Variants in OXR1 observed in about 807,000 individuals in gnomAD.
OXR1 encodes the protein oxidation resistance 1.
A neutral mutation model predicts 104.6 loss-of-function variants in OXR1; 41 were observed. The ratio of observed to expected loss-of-function variants is 0.39; its 90% confidence interval spans 0.31 to 0.51. The LOEUF is 0.51. Among genes scored for constraint, OXR1 ranks in the 20% least tolerant of loss-of-function variants. The pLI is 0.77. For synonymous variants in OXR1, 348 were observed against 348.4 expected, an observed-to-expected ratio of 1.00 and a Z score of 0.01; for missense variants, 955 against 1,031.9, an observed-to-expected ratio of 0.93 and a Z score of 1.02.
chr8:106,524,297 A>T (rs1813488417), intron 3 of OXR1, among the ~76,000 whole-genome samples: 1 of 152,220 alleles, frequency 6.6e-6, no homozygotes, highest in African/African-American at 2.4e-5. Context: ...ATTGTAAATT[A>T]AGCATGGAGG....
chr8:106,353,925 C>T (rs992823975), intron 1 of OXR1, among the ~76,000 whole-genome samples: 2 of 152,154 alleles, frequency 1.3e-5, no homozygotes, highest in African/African-American at 2.4e-5. Context: ...TAGTAACCAC[C>T]ATTCTACTTT....
chr8:106,460,434 A>G (rs894597434), intron 2 of OXR1, among the ~76,000 whole-genome samples: 2 of 152,156 alleles, frequency 1.3e-5, no homozygotes, highest in Admixed American at 6.5e-5. Flanking sequence ...TTCTAATGAG[A>G]CACAAAGACC....
At chr8:106,339,898 TA>T (rs1305237361) in intron 1 of OXR1, among the ~76,000 whole-genome samples, 2 of 152,228 alleles carry the variant, frequency 1.3e-5, no homozygotes, top group Non-Finnish European at 2.9e-5. Context: ...GAACAAAGTT[TA>T]AAATGTAGTA....
At chr8:106,439,283 C>G (rs1011534230) in intron 2 of OXR1, among the ~76,000 whole-genome samples, 6 of 151,994 alleles carry the variant, frequency 3.9e-5, no homozygotes, top group African/African-American at 1.4e-4. Context: ...AGAGCTTTCT[C>G]GCTACCATGT....
chr8:106,654,047 C>T (rs1178484859), intron 3 of OXR1, among the ~76,000 whole-genome samples: 2 of 152,022 alleles, frequency 1.3e-5, no homozygotes, highest in African/African-American at 4.8e-5. Context: ...AAGCACAAAA[C>T]ATTGCTGAAA....
intron 1 of OXR1, among the ~76,000 whole-genome samples, chr8:106,336,612 G>T (rs2130247655): frequency 6.6e-6 from 1 of 152,302 alleles, no homozygotes; most frequent in South Asian, 2.1e-4. Context: ...CTAACATCAG[G>T]TGGAGTGTCT....
At chr8:106,405,183 TA>T (rs1818179913) in intron 2 of OXR1, among the ~76,000 whole-genome samples, 1 of 13,604 alleles carries the variant, frequency 7.4e-5, no homozygotes. Context: ...TATATATATA[TA>T]TATATATATA....
chr8:106,512,457 C>CT (rs1222356768), intron 2 of OXR1, among the ~76,000 whole-genome samples: 10 of 120,642 alleles, frequency 8.3e-5, no homozygotes, highest in East Asian at 2.1e-4. Context: ...AGAAGAAGAT[C>CT]TGTTTTTTTT....
intron 3 of OXR1, among the ~76,000 whole-genome samples, chr8:106,675,152 G>A (rs935585934): frequency 6.6e-6 from 1 of 152,102 alleles, no homozygotes; most frequent in Non-Finnish European, 1.5e-5. Context: ...TAATAACATG[G>A]TCCCAATGTA....
chr8:106,437,879 A>G (rs1819641641), intron 2 of OXR1, among the ~76,000 whole-genome samples: 1 of 152,164 alleles, frequency 6.6e-6, no homozygotes, highest in African/African-American at 2.4e-5. Context: ...ATTTGTTGTC[A>G]TCCCCTAAAA....
chr8:106,291,630 T>A (rs1430095591), intron 1 of OXR1, among the ~76,000 whole-genome samples: 4 of 152,198 alleles, frequency 2.6e-5, no homozygotes, highest in Non-Finnish European at 5.9e-5. Flanking sequence ...ATTTCATTAG[T>A]TTCAAATTGC....
At chr8:106,587,951 A>C (rs996318053) in intron 3 of OXR1, among the ~76,000 whole-genome samples, 1 of 148,824 alleles carries the variant, frequency 6.7e-6, no homozygotes, top group African/African-American at 2.5e-5. Context: ...TCTAAATATA[A>C]ACAATTTTTT....
chr8:106,551,595 TC>T (rs969810051), intron 3 of OXR1, among the ~76,000 whole-genome samples: 30 of 151,864 alleles, frequency 2.0e-4, no homozygotes, highest in African/African-American at 7.0e-4. Flanking sequence ...GAGAGGGACT[TC>T]CTGGGGATGT....
intron 2 of OXR1, among the ~76,000 whole-genome samples, chr8:106,458,535 C>T (rs1441052505): frequency 6.6e-6 from 1 of 152,090 alleles, no homozygotes; most frequent in Non-Finnish European, 1.5e-5. Flanking sequence ...CTGCAGAGAG[C>T]CCCCATTAAA....
chr8:106,389,426 A>G (rs1430950334), intron 2 of OXR1, among the ~76,000 whole-genome samples: 1 of 152,242 alleles, frequency 6.6e-6, no homozygotes, highest in Non-Finnish European at 1.5e-5. Flanking sequence ...TAAGTTATTA[A>G]TTAATAAACA....
intron 3 of OXR1, among the ~76,000 whole-genome samples, chr8:106,596,217 G>A (rs1199240696): frequency 2.6e-5 from 4 of 152,056 alleles, no homozygotes; most frequent in African/African-American, 9.7e-5. Flanking sequence ...AGGCCAAGGT[G>A]GGCAGATCAC....
chr8:106,634,674 G>A (rs1305339110), intron 3 of OXR1, among the ~76,000 whole-genome samples: 2 of 152,030 alleles, frequency 1.3e-5, no homozygotes, highest in Non-Finnish European at 2.9e-5. Context: ...TCCCAAAAAA[G>A]ATGAGCTTGA....
chr8:106,714,449 C>T (rs997444954), intron 11 of OXR1, among the ~76,000 whole-genome samples: 1 of 152,004 alleles, frequency 6.6e-6, no homozygotes, highest in African/African-American at 2.4e-5. Flanking sequence ...TTCTATGTTT[C>T]AGACCTAAGC....
intron 3 of OXR1, among the ~76,000 whole-genome samples, chr8:106,572,227 A>G (rs1379110540): frequency 6.6e-6 from 1 of 152,210 alleles, no homozygotes; most frequent in Non-Finnish European, 1.5e-5. Context: ...AAAGTCTGAC[A>G]GCCTTCCTTC....
Sources: allele counts gnomAD v4.1 joint callset (sites outside exome capture counted in the v4.1 genomes callset), GRCh38; gene constraint gnomAD v4.1.1; transcripts MANE v1.5; gene names NCBI Gene and HGNC (gene_info 2026-07-23, HGNC 2026-07-21).